Variants in SPINK5 observed in about 807,000 individuals in gnomAD.
SPINK5 encodes the protein serine protease inhibitor Kazal-type 5.
In SPINK5, 125 loss-of-function variants were observed where a neutral mutation model predicts 151.8. The observed-to-expected ratio is 0.82, with a 90% CI of 0.71 to 0.96. The LOEUF (loss-of-function observed/expected upper bound fraction) is 0.96. Ranked by LOEUF, SPINK5 falls within the 40% of genes least tolerant of loss-of-function variation. SPINK5 has a pLI of 0.00. For synonymous variants in SPINK5, 374 were observed against 395.3 expected (o/e 0.95, Z 0.64); for missense variants, 1,194 against 1,291.9 (o/e 0.92, Z 1.16).
chr5:148,124,845 AT>A lies in SPINK5; in HGVS notation c.2739+10del, dbSNP rs769519367. ...CCCTCAAATAATGCAAAGGTTATTTATTAAAGGATACCAAAATAACCATTTT... is the reference window on the plus strand; with the variant it reads ...CCCTCAAATAATGCAAAGGTTATTTATAAAGGATACCAAAATAACCATTTT... On this transcript the variant is annotated intron_variant, in intron 28 of 32. Transcript: ENST00000256084. 5.7e-5 allele frequency: 90 copies of A among 1,584,376 alleles called. No individual in the cohort carries two copies. The Middle Eastern group carries it at 8.4e-4, about 15-fold the overall frequency.
intron 2 of SPINK5, among the ~76,000 whole-genome samples, chr5:148,069,602 T>TA (rs1307039125): frequency 2.6e-5 from 4 of 152,020 alleles, no homozygotes; most frequent in African/African-American, 9.7e-5. Context: ...TTTGTGGGGA[T>TA]GGTGGTGGGG....
intron 4 of SPINK5, among the ~76,000 whole-genome samples, chr5:148,083,992 CTT>C (rs928618442): frequency 6.3e-4 from 95 of 151,894 alleles, no homozygotes; most frequent in African/African-American, 1.8e-3. Context: ...AAAATTTCCA[CTT>C]TGTTCTTCCT....
chr5:148,099,278 G>C lies in SPINK5; in HGVS notation c.1055G>C (p.Arg352Thr). 2 of 1,612,380 alleles carry C rather than the reference G, an allele frequency of 1.2e-6. No homozygotes were observed. The highest frequency in any genetic ancestry group is 1.7e-6 in the Non-Finnish European group (2 of 1,179,088). The change falls in exon 12 of 33, where the codon AGA (arginine) becomes ACA (threonine). Residue 352 changes from arginine (R) to threonine (T), a missense_variant. Transcript: ENST00000256084. ...EEKKKAEARA[R>T]NKRESGKATS... ...AAGAAAAAGGCTGAAGCACGAGCTA[G>C]AAACAAAAGAGAATCTGGAAAAGCA...
intron 31 of SPINK5, 36 bp from the exon 32 acceptor site, chr5:148,133,761 T>C: frequency 6.2e-7 from 1 of 1,605,118 alleles, no homozygotes. Context: ...AACTGAGAAC[T>C]TCCTCGTTGT....
Position 148,123,521 on chromosome 5 carries a change from GTA to G in SPINK5, c.2539-283_2539-282del, listed in dbSNP as rs1159209367. On this transcript the variant is annotated intron_variant, in intron 26 of 32. Coordinates refer to ENST00000256084, the MANE Select transcript of SPINK5 (RefSeq NM_006846.4). ...TGGAGTGCAGTGGTGCAATATATGT[GTA>G]TATATATATATATATATATATATAT... Among the ~76,000 whole-genome samples, 507 of 24,908 alleles carry G rather than the reference GTA, an allele frequency of 0.02. 10 individuals carry two copies. Among genetic ancestry groups the G allele is most frequent in the African/African-American group, 0.035 (441 of 12,554 alleles). The allele number at this position is 24,908 out of a possible 152,430, so 16.3% of individuals were successfully genotyped here.
At chr5:148,089,446 C>G in intron 6 of SPINK5, 48 bp from the exon 7 acceptor site, 3 of 1,610,692 alleles carry the variant, frequency 1.9e-6, no homozygotes, top group Non-Finnish European at 2.5e-6. Flanking sequence ...ACAGTGTTGT[C>G]AGCATTACAA....
chr5:148,133,464 A>G (rs1208681365), intron 31 of SPINK5, among the ~76,000 whole-genome samples: 2 of 152,206 alleles, frequency 1.3e-5, no homozygotes, highest in African/African-American at 2.4e-5. Context: ...AATATAGTCA[A>G]ACATCTCTCT....
At chr5:148,110,028 A>T (rs1581091033) in intron 18 of SPINK5, among the ~76,000 whole-genome samples, 1 of 152,208 alleles carries the variant, frequency 6.6e-6, no homozygotes, top group Non-Finnish European at 1.5e-5. Flanking sequence ...CACAAAAACA[A>T]TGTGGTTAAA....
At chr5:148,112,436 A>G (rs1753961325) in intron 19 of SPINK5, among the ~76,000 whole-genome samples, 2 of 152,138 alleles carry the variant, frequency 1.3e-5, no homozygotes, top group Admixed American at 1.3e-4. Flanking sequence ...GCACTTTGGG[A>G]GGCCGAGGCG....
chr5:148,091,112 A>G, intron 7 of SPINK5, 53 bp from the exon 8 acceptor site: 1 of 1,457,514 alleles, frequency 6.9e-7, no homozygotes, highest in African/African-American at 1.4e-5. Flanking sequence ...GACTGAGGAT[A>G]CTGAAAATAT....
chr5:148,099,384 G>T, intron 12 of SPINK5, 69 bp downstream of exon 12: 4 of 1,397,838 alleles, frequency 2.9e-6, no homozygotes, highest in Non-Finnish European at 4.0e-6. Flanking sequence ...AGCCTAAAGG[G>T]TGAGATTTTG....
intron 15 of SPINK5, among the ~76,000 whole-genome samples, chr5:148,103,950 TCAATTTG>T (rs1189956003): frequency 6.6e-6 from 1 of 152,184 alleles, no homozygotes; most frequent in African/African-American, 2.4e-5. Flanking sequence ...TCCACCAAGC[TCAATTTG>T]CAACACTGTT....
chr5:148,090,230 C>T (rs1181193135), intron 7 of SPINK5, among the ~76,000 whole-genome samples: 3 of 151,826 alleles, frequency 2.0e-5, no homozygotes, highest in Non-Finnish European at 2.9e-5. Flanking sequence ...CTCTAATTCA[C>T]GTGCCAGCAA....
chr5:148,079,576 C>G (rs988880280), intron 4 of SPINK5, among the ~76,000 whole-genome samples: 3 of 151,030 alleles, frequency 2.0e-5, no homozygotes, highest in Non-Finnish European at 4.5e-5. Context: ...AGAATTATCC[C>G]AAGAAAGCAA....
Position 148,120,001 on chromosome 5 carries a change from CT to C in SPINK5, c.2314-4del. The stretch of plus-strand genomic sequence containing the variant: ...AGCACTTCCAATATAATCTTCCCAT[CT>C]TTTCAGGATACATGTGATGAGTTTA... On this transcript the variant is annotated splice_region_variant and splice_polypyrimidine_tract_variant and intron_variant, in intron 24 of 32. Coordinates refer to ENST00000256084, the MANE Select transcript of SPINK5 (RefSeq NM_006846.4). 1 of 1,613,606 alleles carries C rather than the reference CT, an allele frequency of 6.2e-7. No homozygotes were observed. The highest frequency in any genetic ancestry group is 8.5e-7 in the Non-Finnish European group (1 of 1,179,650).
At chr5:148,113,447 T>C (rs910469648) in intron 20 of SPINK5, among the ~76,000 whole-genome samples, 1 of 152,222 alleles carries the variant, frequency 6.6e-6, no homozygotes, top group Admixed American at 6.5e-5. Context: ...GCCTTCTTTC[T>C]AGTACACTAT....
intron 32 of SPINK5, among the ~76,000 whole-genome samples, chr5:148,134,413 A>T (rs1352686571): frequency 6.6e-6 from 1 of 152,184 alleles, no homozygotes; most frequent in Admixed American, 6.5e-5. Context: ...CCTCAGGGAG[A>T]TGGTATGTAA....
At chr5:148,086,981 CATACATATATACATATAT>C (rs1561680841) in intron 5 of SPINK5, among the ~76,000 whole-genome samples, 1 of 150,360 alleles carries the variant, frequency 6.7e-6, no homozygotes, top group Non-Finnish European at 1.5e-5. Context: ...TACACACATA[CATACATATATACATATAT>C]ATACATACAC....
intron 18 of SPINK5, among the ~76,000 whole-genome samples, chr5:148,110,615 C>T (rs1484104007): frequency 2.0e-5 from 3 of 151,984 alleles, no homozygotes; most frequent in African/African-American, 4.8e-5. Context: ...TCTATGGTTG[C>T]GATAACAAAT....
Sources: gnomAD v4.1 joint callset for allele counts (sites outside exome capture counted in the v4.1 genomes callset) on GRCh38, gnomAD v4.1.1 for gene constraint, MANE v1.5 for transcripts, NCBI Gene and HGNC (gene_info 2026-07-23, HGNC 2026-07-21) for gene names.